The following ARHGAP22 variants were observed in gnomAD, a reference collection of about 807,000 sequenced individuals.
ARHGAP22 encodes Rho GTPase activating protein 22.
Under a neutral mutation model 59.1 loss-of-function variants are expected in ARHGAP22, and 48 were observed. The observed-to-expected ratio is 0.81, with a 90% CI of 0.64 to 1.03. The LOEUF is 1.03. ARHGAP22 is among the 50% of genes least tolerant of loss of function. ARHGAP22 has a pLI of 0.00. For synonymous variants in ARHGAP22, 445 were observed against 416.4 expected (o/e 1.07, Z -0.84); for missense variants, 1,015 against 958.7 (o/e 1.06, Z -0.78).
At chr10:48,494,449 AT>A (rs2050719826) in intron 3 of ARHGAP22, among the ~76,000 whole-genome samples, 1 of 152,180 alleles carries the variant, frequency 6.6e-6, no homozygotes, top group South Asian at 2.1e-4. Flanking sequence ...GAGGGAGGCA[AT>A]GAGCACCAAA....
chr10:48,504,806 C>T (rs942928694), intron 3 of ARHGAP22, among the ~76,000 whole-genome samples: 1 of 151,924 alleles, frequency 6.6e-6, no homozygotes, highest in South Asian at 2.1e-4. Flanking sequence ...TGACAGGCAC[C>T]CAGGCTCAGT....
At chr10:48,608,852 A>G (rs949105197), upstream of ARHGAP22, among the ~76,000 whole-genome samples, 1 of 152,236 alleles carries the variant, frequency 6.6e-6, no homozygotes, top group Admixed American at 6.5e-5. Context: ...TAAATAAACT[A>G]TTTAAGACAA....
At chr10:48,437,390 A>G in the ARHGAP22 span, 23 of 152,312 alleles carry the variant, frequency 1.5e-4, no homozygotes, top group African/African-American at 4.8e-4. Context: ...TAACATTTCT[A>G]TCAGGTAGTA....
chr10:48,611,242 C>T lies in ARHGAP22; in HGVS notation c.53-28090G>A, dbSNP rs908517068. On this transcript the variant is annotated intron_variant, in intron 1 of 9. Transcript: ENST00000435790. ...CACAGGGTACCTTGGAAAGCAGCTT[C>T]GGAGGGACCCTAGCTTACCAGGTGT... Among the ~76,000 whole-genome samples, 6 of 152,278 alleles carry T rather than the reference C, an allele frequency of 3.9e-5. No homozygotes were observed. In the East Asian group the frequency reaches 7.7e-4, roughly 20 times the overall value.
intron 2 of ARHGAP22, among the ~76,000 whole-genome samples, chr10:48,571,309 T>C (rs1283188043): frequency 6.6e-6 from 1 of 152,200 alleles, no homozygotes; most frequent in Non-Finnish European, 1.5e-5. Flanking sequence ...TCTGGTCTTG[T>C]TCATATAAGG....
intron 2 of ARHGAP22, among the ~76,000 whole-genome samples, chr10:48,564,071 C>A (rs995828919): frequency 6.6e-6 from 1 of 152,186 alleles, no homozygotes; most frequent in Non-Finnish European, 1.5e-5. Flanking sequence ...TTCTCATACA[C>A]TTTTGATACA....
intron 1 of ARHGAP22, among the ~76,000 whole-genome samples, chr10:48,630,817 C>T (rs1311225372): frequency 1.3e-5 from 2 of 152,154 alleles, no homozygotes; most frequent in African/African-American, 4.8e-5. Context: ...CTAGGACTTC[C>T]AGTACAATGT....
At chr10:48,492,316 T>G (rs1777454982) in intron 3 of ARHGAP22, among the ~76,000 whole-genome samples, 1 of 152,176 alleles carries the variant, frequency 6.6e-6, no homozygotes, top group Non-Finnish European at 1.5e-5. Flanking sequence ...CAATGTATGA[T>G]TTGTCACAGG....
chr10:48,511,290 G>C (rs1564795513), intron 3 of ARHGAP22, among the ~76,000 whole-genome samples: 2 of 152,276 alleles, frequency 1.3e-5, no homozygotes, highest in Non-Finnish European at 2.9e-5. Flanking sequence ...CATCCAGCCA[G>C]CATGAGACTG....
intron 3 of ARHGAP22, among the ~76,000 whole-genome samples, chr10:48,516,283 G>T (rs1041824482): frequency 6.6e-5 from 10 of 152,220 alleles, no homozygotes; most frequent in African/African-American, 1.9e-4. Context: ...CCAGCACTTT[G>T]GGAGGCCAAG....
At chr10:48,459,210 C>A (rs1431664181) in intron 5 of ARHGAP22, among the ~76,000 whole-genome samples, 2 of 151,812 alleles carry the variant, frequency 1.3e-5, no homozygotes, top group Non-Finnish European at 2.9e-5. Context: ...TGGCCCCGGC[C>A]CCAGAGCAGA....
the ARHGAP22 span, chr10:48,430,890 G>A: frequency 5.0e-6 from 2 of 399,808 alleles, no homozygotes; most frequent in Non-Finnish European, 9.1e-6. Context: ...ATGATGTGCT[G>A]TAGCACAAGT....
chr10:48,591,439 G>A (rs1048008086), intron 1 of ARHGAP22, among the ~76,000 whole-genome samples: 1 of 152,164 alleles, frequency 6.6e-6, no homozygotes, highest in Non-Finnish European at 1.5e-5. Context: ...AATTAAAGAA[G>A]TGAATATGCA....
intron 8 of ARHGAP22, chr10:48,451,367 C>T: frequency 1.4e-6 from 1 of 726,536 alleles, no homozygotes; most frequent in South Asian, 1.5e-5. Flanking sequence ...GGCACAGAGC[C>T]GCAAGCAGGG....
intron 3 of ARHGAP22, among the ~76,000 whole-genome samples, chr10:48,526,729 G>C (rs2054358420): frequency 1.3e-5 from 2 of 152,204 alleles, no homozygotes; most frequent in Admixed American, 1.3e-4. Context: ...TTTCTGAGAG[G>C]AAGTAGCAAA....
the ARHGAP22 span, chr10:48,434,935 A>G: frequency 1.9e-5 from 31 of 1,607,482 alleles, no homozygotes; most frequent in South Asian, 6.6e-5. Context: ...TCGTCTGTCA[A>G]TGATGTGTCT....
chr10:48,475,488 T>C (rs2048628431), intron 4 of ARHGAP22, among the ~76,000 whole-genome samples: 1 of 152,050 alleles, frequency 6.6e-6, no homozygotes, highest in Non-Finnish European at 1.5e-5. Context: ...GCCCATATCT[T>C]CCTTCCAAAT....
At position 48,605,007 on chromosome 10, in the gene ARHGAP22, C is replaced by T; in HGVS notation, c.-211G>A. ...CATAAACCTCGATGCATTATTTATC[C>T]ATCCCAGAATTAATTCCCATCCAAG... On this transcript the variant is annotated 5_prime_UTR_variant, in exon 1 of 10. An upstream start codon of the reference 5' UTR is lost. Coordinates refer to ENST00000249601, the MANE Select transcript of ARHGAP22 (RefSeq NM_021226.4). The T allele has an allele frequency of 6.9e-7, 1 of 1,444,576 alleles. No individual in the cohort carries two copies. Among genetic ancestry groups the T allele is most frequent in the Non-Finnish European group, 9.1e-7 (1 of 1,103,266 alleles). The allele number at this position is 1,444,576 out of a possible 1,614,324, so 89.5% of individuals were successfully genotyped here.
chr10:48,473,446 T>C (rs962138398), intron 4 of ARHGAP22, among the ~76,000 whole-genome samples: 1 of 151,614 alleles, frequency 6.6e-6, no homozygotes, highest in Non-Finnish European at 1.5e-5. Context: ...TTGTACACTG[T>C]ACACTGCTTT....
Sources: allele counts gnomAD v4.1 joint callset (sites outside exome capture counted in the v4.1 genomes callset), GRCh38; gene constraint gnomAD v4.1.1; transcripts MANE v1.5; gene names NCBI Gene and HGNC (gene_info 2026-07-23, HGNC 2026-07-21).